Variants in XIRP2 observed in about 807,000 individuals in gnomAD.
The protein encoded by XIRP2 is xin actin binding repeat containing 2, also known as xin actin-binding repeat-containing protein 2.
XIRP2 carries 236 observed loss-of-function variants against 277.0 expected under a neutral mutation model. The observed-to-expected ratio is 0.85, with a 90% CI of 0.77 to 0.95. XIRP2 has a LOEUF of 0.95. Among genes scored for constraint, XIRP2 ranks in the 40% least tolerant of loss-of-function variants. The pLI, the probability that XIRP2 is intolerant of heterozygous loss-of-function variation, is 0.00. For missense variants in XIRP2, 4,640 were observed against 4,157.5 expected, an observed-to-expected ratio of 1.12 and a Z score of -3.19; for synonymous variants, 1,490 against 1,416.5, an observed-to-expected ratio of 1.05 and a Z score of -1.17.
In XIRP2 at chr2:167,088,496, C is replaced by A. The variant is rs556195959; in HGVS notation, c.409-47413C>A. 2.6e-5 allele frequency among the ~76,000 whole-genome samples: 4 copies of A among 152,248 alleles called. No individual in the cohort carries two copies. The South Asian group carries it at 8.3e-4, about 32-fold the overall frequency. Reference sequence around the variant, plus strand: ...GTACAACCTATTCTCCACATTACAGCCAGGATGATCTTTCAAAAATGCCAA... The same window carrying A: ...GTACAACCTATTCTCCACATTACAGACAGGATGATCTTTCAAAAATGCCAA... On this transcript the variant is annotated intron_variant, in intron 2 of 10. Transcript: ENST00000409195.
At chr2:167,130,713 C>T (rs1691349161) in intron 2 of XIRP2, among the ~76,000 whole-genome samples, 1 of 152,062 alleles carries the variant, frequency 6.6e-6, no homozygotes, top group Non-Finnish European at 1.5e-5. Context: ...TTCAATCGCT[C>T]TCTTAGATCT....
intron 3 of XIRP2, among the ~76,000 whole-genome samples, chr2:167,203,567 A>G (rs988856206): frequency 8.5e-5 from 13 of 152,080 alleles, no homozygotes; most frequent in Admixed American, 3.3e-4. Flanking sequence ...GCTTACTTCC[A>G]CTCATTTTTA....
intron 2 of XIRP2, among the ~76,000 whole-genome samples, chr2:167,127,637 C>A (rs757618914): frequency 3.3e-5 from 5 of 152,176 alleles, no homozygotes; most frequent in Non-Finnish European, 5.9e-5. Flanking sequence ...ATCTTTCACT[C>A]CAGTAGTGAC....
chr2:167,251,570 A>G lies in XIRP2; in HGVS notation c.10178A>G (p.His3393Arg), dbSNP rs1021045746. Reference protein sequence around the residue: ...NTSFTDFSCKHPRELREKIPV... With the variant: ...NTSFTDFSCKRPRELREKIPV... ...AGTTTTACAGACTTTTCTTGCAAAC[A>G]TCCTAGAGAACTGCGAGAAAAGATT... Residue 3393 changes from histidine to arginine, a missense_variant, in exon 9 of 11, where the codon CAT becomes CGT. His to Arg is a conservative substitution (Grantham distance 29). Transcript: ENST00000409195. The G allele has an allele frequency of 5.0e-6, 8 of 1,613,568 alleles. No individual in the cohort carries two copies. The highest frequency in any genetic ancestry group is 4.0e-5 in the African/African-American group (3 of 74,980).
At chr2:167,029,423 A>C (rs1688264990) in intron 2 of XIRP2, among the ~76,000 whole-genome samples, 1 of 152,026 alleles carries the variant, frequency 6.6e-6, no homozygotes, top group South Asian at 2.1e-4. Flanking sequence ...AAGCAGTGTT[A>C]AATTTTATCG....
intron 2 of XIRP2, among the ~76,000 whole-genome samples, chr2:167,116,550 A>G: frequency 6.6e-6 from 1 of 152,192 alleles, no homozygotes; most frequent in East Asian, 1.9e-4. Flanking sequence ...CAGTCAAAGT[A>G]AATAGCATCC....
Position 167,246,888 on chromosome 2 carries a change from C to A in XIRP2, c.5496C>A (p.Pro1832=). Residue 1832 remains proline (P), a synonymous_variant, in exon 9 of 11, where the codon CCC becomes CCA. Coordinates refer to ENST00000409195, the MANE Select transcript of XIRP2 (RefSeq NM_152381.6). ...TEPQSTFGKI[P]KEEIIKGDLT... is the part of the protein sequence containing the mutation. ...CTCAGAGTACATTTGGTAAGATACC[C>A]AAAGAAGAGATTATAAAAGGTGATT... 1 of 1,613,462 alleles carries A rather than the reference C, an allele frequency of 6.2e-7. No individual in the cohort carries two copies. The highest frequency in any genetic ancestry group is 8.5e-7 in the Non-Finnish European group (1 of 1,179,780).
At chr2:166,994,717 G>C (rs1687164088) in intron 2 of XIRP2, among the ~76,000 whole-genome samples, 1 of 151,342 alleles carries the variant, frequency 6.6e-6, no homozygotes. Flanking sequence ...AAAAATTTGA[G>C]TAAGATCTAA....
chr2:166,900,492 T>C (rs1353440785), intron 1 of XIRP2, among the ~76,000 whole-genome samples: 1 of 152,110 alleles, frequency 6.6e-6, no homozygotes, highest in Non-Finnish European at 1.5e-5. Context: ...GTCTGTTGAT[T>C]GTTTTCTGCT....
At chr2:167,006,684 C>A (rs1687512432) in intron 2 of XIRP2, among the ~76,000 whole-genome samples, 1 of 151,648 alleles carries the variant, frequency 6.6e-6, no homozygotes, top group African/African-American at 2.4e-5. Context: ...AGCATCCCAG[C>A]AACAGGCACA....
intron 3 of XIRP2, among the ~76,000 whole-genome samples, chr2:167,170,783 A>G (rs1692665243): frequency 6.6e-6 from 1 of 150,672 alleles, no homozygotes; most frequent in Non-Finnish European, 1.5e-5. Flanking sequence ...CATTTCTATT[A>G]TATGGATTTC....
At chr2:167,050,882 G>A (rs1018016922) in intron 2 of XIRP2, among the ~76,000 whole-genome samples, 1 of 151,788 alleles carries the variant, frequency 6.6e-6, no homozygotes, top group African/African-American at 2.4e-5. Flanking sequence ...AAGATGCATA[G>A]CGCCTACTAA....
chr2:167,153,688 T>A (rs907700551), intron 3 of XIRP2, among the ~76,000 whole-genome samples: 8 of 152,040 alleles, frequency 5.3e-5, no homozygotes, highest in African/African-American at 1.9e-4. Flanking sequence ...GATAGTTTAC[T>A]GAGAATGATG....
At chr2:167,173,308 T>C (rs2105350555) in intron 3 of XIRP2, among the ~76,000 whole-genome samples, 1 of 152,296 alleles carries the variant, frequency 6.6e-6, no homozygotes, top group East Asian at 1.9e-4. Context: ...CTGATAACCA[T>C]CCTTTTACCG....
Position 167,245,190 on chromosome 2 carries a change from C to T in XIRP2, c.3798C>T (p.Asp1266=). 1 of 1,613,036 alleles carries T rather than the reference C, an allele frequency of 6.2e-7. No homozygotes were observed. The highest frequency in any genetic ancestry group is 8.5e-7 in the Non-Finnish European group (1 of 1,179,548). ...ATGAATGTGTTAAGACGGTGACAGA[C>T]ATACAAGGTGGGGATGTAAGAAAGG... The part of the protein sequence containing the change: ...EGDECVKTVT[D]IQGGDVRKGC... Residue 1266 remains aspartate, a synonymous_variant, in exon 9 of 11, where the codon GAC becomes GAT. Coordinates refer to ENST00000409195, the MANE Select transcript of XIRP2 (RefSeq NM_152381.6).
chr2:167,023,749 A>G (rs941306084), intron 2 of XIRP2, among the ~76,000 whole-genome samples: 25 of 152,186 alleles, frequency 1.6e-4, no homozygotes, highest in Non-Finnish European at 4.4e-5. Context: ...CGGGTTTGTC[A>G]AAGATCAGAT....
At chr2:167,235,131 G>A (rs1694864152) in intron 5 of XIRP2, among the ~76,000 whole-genome samples, 3 of 151,984 alleles carry the variant, frequency 2.0e-5, no homozygotes, top group South Asian at 4.1e-4. Context: ...TTGCATAATG[G>A]TGGGATCTGG....
chr2:167,150,703 G>A (rs1218693178), intron 3 of XIRP2, among the ~76,000 whole-genome samples: 1 of 151,852 alleles, frequency 6.6e-6, no homozygotes, highest in Non-Finnish European at 1.5e-5. Context: ...GTCTAAAATA[G>A]GGGAAAACCC....
At chr2:167,256,623 G>T (rs1695665542) in intron 10 of XIRP2, among the ~76,000 whole-genome samples, 1 of 151,708 alleles carries the variant, frequency 6.6e-6, no homozygotes, top group African/African-American at 2.4e-5. Context: ...ATATTATAAT[G>T]CCCTTTGCAC....
Sources: gnomAD v4.1 joint callset for allele counts (sites outside exome capture counted in the v4.1 genomes callset) on GRCh38, gnomAD v4.1.1 for gene constraint, MANE v1.5 for transcripts, NCBI Gene and HGNC (gene_info 2026-07-23, HGNC 2026-07-21) for gene names.